CCND2: variants seen among roughly 807,000 people sequenced by gnomAD.
CCND2 encodes cyclin D2.
CCND2 carries 6 observed loss-of-function variants against 30.2 expected under a neutral mutation model. The ratio of observed to expected loss-of-function variants is 0.20; its 90% confidence interval spans 0.11 to 0.39. The LOEUF is 0.39. CCND2 is among the 10% of genes least tolerant of loss of function. The probability of loss-of-function intolerance (pLI) is 1.00; values close to 1 mark genes in which losing one functional copy is unlikely to be tolerated. For synonymous variants in CCND2, 150 were observed against 153.1 expected (o/e 0.98, Z 0.15); for missense variants, 235 against 373.4 (o/e 0.63, Z 3.06).
rs1381764461 is a variant in CCND2 at position 4,303,295 on chromosome 12, G to A, written c.*3286G>A. On this transcript the variant is annotated 3_prime_UTR_variant, in exon 5 of 5. Coordinates refer to ENST00000261254, the MANE Select transcript of CCND2 (RefSeq NM_001759.4). This position sits in a 1 kb window ranked among gnomAD's most constrained non-coding sequence, Gnocchi z 4.6. Reference sequence around the variant, plus strand: ...TTGTTAGGCTTTTCTGCCTGCTCCTGCTTAAACACAAGAAGGAATCCTGGA... The same window carrying A: ...TTGTTAGGCTTTTCTGCCTGCTCCTACTTAAACACAAGAAGGAATCCTGGA... 1.3e-5 allele frequency: 3 copies of A among 233,352 alleles called. No homozygotes were observed. Among genetic ancestry groups the A allele is most frequent in the Non-Finnish European group, 2.5e-5 (3 of 118,134 alleles). 14.5% of individuals were successfully genotyped at this position (233,352 alleles called of 1,614,324 possible).
chr12:4,304,003 T>C lies in CCND2; in HGVS notation c.*3994T>C. On this transcript the variant is annotated 3_prime_UTR_variant, in exon 5 of 5. Transcript: ENST00000261254. This position sits in a 1 kb window ranked among gnomAD's most constrained non-coding sequence, Gnocchi z 6.2. ...GGCAACTCTTCAGACGGAGCTGCGC[T>C]TCCCTGCAGTCTAGCACCTCTAGGG... 4.3e-6 allele frequency: 1 copy of C among 233,282 alleles called. No homozygotes were observed. The highest frequency in any genetic ancestry group is 6.0e-5 in the East Asian group (1 of 16,582). The allele number at this position is 233,282 out of a possible 1,614,324, so 14.5% of individuals were successfully genotyped here. A position where few individuals can be genotyped will look rare whatever the true frequency, so the allele number is the denominator to read the frequency against.
Position 4,285,049 on chromosome 12 carries a change from T to C in CCND2, c.572-3793T>C, listed in dbSNP as rs1323958119. Reference sequence around the variant, plus strand: ...TGCGCCCAGCCTTCAAGAGCCCCCTTTCTTTGAGAAGTTTCTTCAGAAGTT... The same window carrying C: ...TGCGCCCAGCCTTCAAGAGCCCCCTCTCTTTGAGAAGTTTCTTCAGAAGTT... On this transcript the variant is annotated intron_variant, in intron 3 of 4. Coordinates refer to ENST00000261254, the MANE Select transcript of CCND2 (RefSeq NM_001759.4). This position sits in a 1 kb window ranked among gnomAD's most constrained non-coding sequence, Gnocchi z 4.1. 6.6e-6 allele frequency among the ~76,000 whole-genome samples: 1 copy of C among 152,124 alleles called. No homozygotes were observed. Among genetic ancestry groups the C allele is most frequent in the Non-Finnish European group, 1.5e-5 (1 of 68,018 alleles).
chr12:4,294,886 G>A (rs555869369), intron 4 of CCND2, among the ~76,000 whole-genome samples: 102 of 152,302 alleles, frequency 6.7e-4, no homozygotes, highest in African/African-American at 2.4e-3. Context: ...GAAGCAACCT[G>A]GTTGGATTTA....
rs1397493359 is a variant in CCND2, at chr12:4,276,789, G to GT, written c.411+570dup. On this transcript the variant is annotated intron_variant, in intron 2 of 4. Coordinates refer to ENST00000261254, the MANE Select transcript of CCND2 (RefSeq NM_001759.4). This position sits in a 1 kb window ranked among gnomAD's most constrained non-coding sequence, Gnocchi z 4.8. ...TCCGAGGCCTGGGTTCCTACCTCCA[G>GT]TGGGACTGTGACCTCTGTACAACCC... Among the ~76,000 whole-genome samples the GT allele has an allele frequency of 6.6e-6, 1 of 152,232 alleles. No homozygotes were observed. Among genetic ancestry groups the GT allele is most frequent in the Admixed American group, 6.5e-5 (1 of 15,288 alleles).
rs150232091 is a variant in CCND2 at position 4,280,031 on chromosome 12, G to T, written c.571+1112G>T. Among the ~76,000 whole-genome samples the T allele has an allele frequency of 4.0e-5, 6 of 151,580 alleles. 2 individuals are homozygous for T. In the East Asian group the frequency reaches 1.2e-3, roughly 31 times the overall value. ...CACAGTCAAAAAGTCAGGCTTTGCT[G>T]CATATCAGTGAGTGACCTTTAATTG... On this transcript the variant is annotated intron_variant, in intron 3 of 4. Coordinates refer to ENST00000261254, the MANE Select transcript of CCND2 (RefSeq NM_001759.4).
Position 4,277,709 on chromosome 12 carries a change from C to T in CCND2, c.412-1051C>T, listed in dbSNP as rs3217799. 4.8e-3 allele frequency among the ~76,000 whole-genome samples: 724 copies of T among 152,270 alleles called. 3 individuals carry two copies. Among genetic ancestry groups the T allele is most frequent in the Non-Finnish European group, 7.6e-3 (516 of 68,024 alleles). On this transcript the variant is annotated intron_variant, in intron 2 of 4. Coordinates refer to ENST00000261254, the MANE Select transcript of CCND2 (RefSeq NM_001759.4). ...GGAGGGAAAGGGAATCACCCCCAGC[C>T]CCACAGCTGTGGGACTGGTGCTCTG... is the stretch of plus-strand genomic sequence containing the variant.
In CCND2 at chr12:4,301,291, G is replaced by A; in HGVS notation, c.*1282G>A. 4.3e-6 allele frequency: 1 copy of A among 232,984 alleles called. No homozygotes were observed. Among genetic ancestry groups the A allele is most frequent in the Non-Finnish European group, 8.5e-6 (1 of 117,902 alleles). 14.4% of individuals were successfully genotyped at this position (232,984 alleles called of 1,614,324 possible). ...TTCTCCTTTGGACATGGAAAGAAAA[G>A]TTATTGCTGGTGCAAAGATAGATGG... is the stretch of plus-strand genomic sequence containing the variant. On this transcript the variant is annotated 3_prime_UTR_variant, in exon 5 of 5. Transcript: ENST00000261254.
rs1864131460 is a variant in CCND2 at position 4,293,811 on chromosome 12, C to G, written c.720+4821C>G. Among the ~76,000 whole-genome samples the G allele has an allele frequency of 6.6e-6, 1 of 152,148 alleles. No individual in the cohort carries two copies. The highest frequency in any genetic ancestry group is 2.4e-5 in the African/African-American group (1 of 41,434). ...TGTCATTTTCAAGCCTCCACTGTTACAGATTCTGTCTTCTGTGGACTCTTC... is the reference window on the plus strand; with the variant it reads ...TGTCATTTTCAAGCCTCCACTGTTAGAGATTCTGTCTTCTGTGGACTCTTC... On this transcript the variant is annotated intron_variant, in intron 4 of 4. Coordinates refer to ENST00000261254, the MANE Select transcript of CCND2 (RefSeq NM_001759.4). The surrounding 1 kb of genome is among the most constrained non-coding windows in gnomAD (Gnocchi z 4.9).
intron 4 of CCND2, among the ~76,000 whole-genome samples, chr12:4,295,639 T>C (rs1365842600): frequency 6.6e-6 from 1 of 151,828 alleles, no homozygotes; most frequent in East Asian, 1.9e-4. Context: ...CAGCTGGGGG[T>C]GATGGCGTGC....
rs368822253 is a variant in CCND2, at chr12:4,299,231, G to C, written c.721-629G>C. On this transcript the variant is annotated intron_variant, in intron 4 of 4. Transcript: ENST00000261254. The surrounding 1 kb of genome is among the most constrained non-coding windows in gnomAD (Gnocchi z 5.2). ...AAAAATTAGCCAGGCGCGGTGGCGG[G>C]TGCCTGTAGTCCCAGCTACTTGGGA... is the stretch of plus-strand genomic sequence containing the variant. Among the ~76,000 whole-genome samples the C allele has an allele frequency of 2.7e-3, 416 of 152,290 alleles. 1 individual carries two copies. Among genetic ancestry groups the C allele is most frequent in the Non-Finnish European group, 4.8e-3 (327 of 68,018 alleles).
At chr12:4,280,156 CAGAA>C (rs1348455724) in intron 3 of CCND2, among the ~76,000 whole-genome samples, 5 of 152,348 alleles carry the variant, frequency 3.3e-5, no homozygotes, top group African/African-American at 1.2e-4. Context: ...AAATTAAAAT[CAGAA>C]AGAGGTGATG....
chr12:4,302,568 T>C lies in CCND2; in HGVS notation c.*2559T>C, dbSNP rs535063367. The C allele has an allele frequency of 4.3e-6, 1 of 233,304 alleles. No homozygotes were observed. The highest frequency in any genetic ancestry group is 1.8e-4 in the South Asian group (1 of 5,536). The allele number at this position is 233,304 out of a possible 1,614,324, so 14.5% of individuals were successfully genotyped here. ...ATGAACCTGCAGCAAGCAGCGTTTA[T>C]GGTGCTTCCTTCTCCCTCCTCTGTC... is the stretch of plus-strand genomic sequence containing the variant. On this transcript the variant is annotated 3_prime_UTR_variant, in exon 5 of 5. Transcript: ENST00000261254.
rs543391233 is a variant in CCND2, at chr12:4,293,430, A to G, written c.720+4440A>G. On this transcript the variant is annotated intron_variant, in intron 4 of 4. Coordinates refer to ENST00000261254, the MANE Select transcript of CCND2 (RefSeq NM_001759.4). This position sits in a 1 kb window ranked among gnomAD's most constrained non-coding sequence, Gnocchi z 4.9. ...CAAAAAGCAAAAAACAAAACTTTAG[A>G]TTCAGGGGATCCATGTGCGGTTTGT... Among the ~76,000 whole-genome samples the G allele has an allele frequency of 6.6e-6, 1 of 152,356 alleles. No individual in the cohort carries two copies. The highest frequency in any genetic ancestry group is 2.1e-4 in the South Asian group (1 of 4,832).
At chr12:4,275,579 G>A (rs958697936) in intron 1 of CCND2, 4 of 151,028 alleles carry the variant, frequency 2.6e-5, no homozygotes, top group African/African-American at 7.4e-5. Context: ...GGAGGATCTG[G>A]GGATCCGGAT....
chr12:4,274,626 AC>A lies in CCND2; in HGVS notation c.195+399del, dbSNP rs932730233. 1.8e-4 allele frequency among the ~76,000 whole-genome samples: 27 copies of A among 150,314 alleles called. No individual in the cohort carries two copies. Among genetic ancestry groups the A allele is most frequent in the Admixed American group, 2.6e-4 (4 of 15,136 alleles). ...AATCGGGACCCCGAGTAGAAAGGCA[AC>A]CCCCCCCAAAAGGCCAGAGCAAATT... On this transcript the variant is annotated intron_variant, in intron 1 of 4. Transcript: ENST00000261254. This position sits in a 1 kb window ranked among gnomAD's most constrained non-coding sequence, Gnocchi z 7.7.
rs3217865 is a variant in CCND2, at chr12:4,290,576, C to T, written c.720+1586C>T. On this transcript the variant is annotated intron_variant, in intron 4 of 4. Coordinates refer to ENST00000261254, the MANE Select transcript of CCND2 (RefSeq NM_001759.4). ...AAATGTCAGTGACAGGAGTTGGAAG[C>T]GGCCACCCCCCTCCTCCTGCCCCCA... is the stretch of plus-strand genomic sequence containing the variant. Among the ~76,000 whole-genome samples, 9 of 151,732 alleles carry T rather than the reference C, an allele frequency of 5.9e-5. No individual in the cohort carries two copies. In the South Asian group the frequency reaches 1.9e-3, roughly 32 times the overall value.
At chr12:4,278,461 G>A (rs1000011224) in intron 2 of CCND2, among the ~76,000 whole-genome samples, 3 of 152,200 alleles carry the variant, frequency 2.0e-5, no homozygotes, top group African/African-American at 7.2e-5. Context: ...CTGCAAGTCA[G>A]GGTTGGGAGG....
chr12:4,276,226 G>C lies in CCND2; in HGVS notation c.411+6G>C. On this transcript the variant is annotated splice_donor_region_variant and intron_variant, in intron 2 of 4. Coordinates refer to ENST00000261254, the MANE Select transcript of CCND2 (RefSeq NM_001759.4). This position sits in a 1 kb window ranked among gnomAD's most constrained non-coding sequence, Gnocchi z 4.8. Reference sequence around the variant, plus strand: ...TCAAGCCTCAGGAGCTGCTGGTAATGACCGGCCCCTTCCTCCCTTCCTTTC... The same window carrying C: ...TCAAGCCTCAGGAGCTGCTGGTAATCACCGGCCCCTTCCTCCCTTCCTTTC... 1 of 1,609,362 alleles carries C rather than the reference G, an allele frequency of 6.2e-7. No homozygotes were observed. The highest frequency in any genetic ancestry group is 1.7e-5 in the Admixed American group (1 of 59,930).
At chr12:4,280,902 C>T (rs889948717) in intron 3 of CCND2, among the ~76,000 whole-genome samples, 1 of 152,220 alleles carries the variant, frequency 6.6e-6, no homozygotes, top group African/African-American at 2.4e-5. Context: ...GGCAGATCCC[C>T]AGATTCCGTC....
Sources: gnomAD v4.1 joint callset for allele counts (sites outside exome capture counted in the v4.1 genomes callset) on GRCh38, gnomAD v4.1.1 for gene constraint, Gnocchi (gnomAD v3.1) non-coding constraint, MANE v1.5 for transcripts, NCBI Gene and HGNC (gene_info 2026-07-23, HGNC 2026-07-21) for gene names.